Variants in KIF5B observed in about 807,000 individuals in gnomAD.
KIF5B encodes the protein kinesin-1 heavy chain.
KIF5B carries 49 observed loss-of-function variants against 132.8 expected under a neutral mutation model. The observed-to-expected ratio is 0.37, with a 90% confidence interval of 0.29 to 0.47. The LOEUF is 0.47. Among genes scored for constraint, KIF5B ranks in the 20% least tolerant of loss-of-function variants. KIF5B has a pLI of 1.00. For synonymous variants in KIF5B, 355 were observed against 369.4 expected, an observed-to-expected ratio of 0.96 and a Z score of 0.45; for missense variants, 780 against 1,144.0, an observed-to-expected ratio of 0.68 and a Z score of 4.59.
intron 4 of KIF5B, among the ~76,000 whole-genome samples, 179 bp from the exon 5 acceptor site, chr10:32,039,005 C>T (rs1294237008): frequency 1.3e-5 from 2 of 152,148 alleles, no homozygotes; most frequent in Non-Finnish European, 2.9e-5. Flanking sequence ...TTTAAGCAGT[C>T]TTCCCATTGG....
chr10:32,035,822 C>T, intron 9 of KIF5B, 68 bp downstream of exon 9: 1 of 1,350,666 alleles, frequency 7.4e-7, no homozygotes, highest in East Asian at 2.3e-5. Flanking sequence ...CACCCAGGCA[C>T]ACATATACAC....
In KIF5B at chr10:32,019,862, G is replaced by A. The variant is rs1280672687; in HGVS notation, c.2302C>T (p.Leu768Phe). The A allele has an allele frequency of 6.3e-7, 1 of 1,590,992 alleles. No homozygotes were observed. The highest frequency in any genetic ancestry group is 1.1e-5 in the South Asian group (1 of 89,308). The change falls in exon 20 of 26, where the codon CTT becomes TTT. Residue 768 changes from leucine to phenylalanine, a missense_variant. This residue lies in a region of KIF5B where 471 missense variants were observed against 569.9 expected (regional missense o/e 0.83). Transcript: ENST00000302418. ...DQEKSRKLHE[L>F]TVMQDRREQA... ...TAATTAAAAACAATTACTCACGTAA[G>A]TTCATGTAGTTTTCTGCTCTTTTCC...
chr10:32,013,992 C>T (rs1029271560), intron 25 of KIF5B, among the ~76,000 whole-genome samples: 5 of 152,020 alleles, frequency 3.3e-5, no homozygotes, highest in Non-Finnish European at 5.9e-5. Flanking sequence ...TGCAAAATGT[C>T]GAAGTATAAA....
chr10:32,032,585 C>A, intron 13 of KIF5B, 121 bp downstream of exon 13: 1 of 751,266 alleles, frequency 1.3e-6, no homozygotes, highest in South Asian at 1.5e-5. Flanking sequence ...ATGTGACATT[C>A]TTATTCCCAC....
intron 14 of KIF5B, among the ~76,000 whole-genome samples, chr10:32,029,609 A>C (rs1238671146): frequency 2.0e-5 from 3 of 152,186 alleles, no homozygotes; most frequent in Non-Finnish European, 2.9e-5. Flanking sequence ...ATAATTGTTT[A>C]AATTACCAGA....
intron 2 of KIF5B, among the ~76,000 whole-genome samples, chr10:32,044,235 T>C (rs996000451): frequency 3.9e-5 from 6 of 152,210 alleles, no homozygotes; most frequent in Non-Finnish European, 8.8e-5. Context: ...AAAGGTTGCA[T>C]AGAAGAAGAA....
chr10:32,045,791 G>T (rs2132613079), intron 2 of KIF5B, among the ~76,000 whole-genome samples: 1 of 152,158 alleles, frequency 6.6e-6, no homozygotes, highest in East Asian at 1.9e-4. Flanking sequence ...TTGATAAAAG[G>T]ATTCAAGTTT....
intron 2 of KIF5B, among the ~76,000 whole-genome samples, chr10:32,045,386 T>A: frequency 6.6e-6 from 1 of 152,172 alleles, no homozygotes; most frequent in East Asian, 1.9e-4. Context: ...AAAACAGAGG[T>A]ACTTCTATTT....
Position 32,028,487 on chromosome 10 carries a change from C to A in KIF5B, c.1666G>T (p.Ala556Ser). The A allele has an allele frequency of 6.2e-7, 1 of 1,613,230 alleles. No individual in the cohort carries two copies. Among genetic ancestry groups the A allele is most frequent in the Non-Finnish European group, 8.5e-7 (1 of 1,179,290 alleles). ...TCTGCAAGGTCTTTTAGTAAAGATGCCATCATCTCAGCTGCTCGTTTTTTC... is the reference window on the plus strand; with the variant it reads ...TCTGCAAGGTCTTTTAGTAAAGATGACATCATCTCAGCTGCTCGTTTTTTC... Reference protein sequence around the residue: ...HQKKRAAEMMASLLKDLAEIG... With the variant: ...HQKKRAAEMMSSLLKDLAEIG... Residue 556 changes from alanine to serine, a missense_variant, in exon 15 of 26, where the codon GCA (alanine) becomes TCA (serine). Ala to Ser is a moderately conservative substitution (Grantham distance 99, BLOSUM62 1). This residue lies in a region of KIF5B where 471 missense variants were observed against 569.9 expected (regional missense o/e 0.83). Transcript: ENST00000302418.
In KIF5B at chr10:32,021,290, G is replaced by T; in HGVS notation, c.2033-3C>A. 1 of 1,601,712 alleles carries T rather than the reference G, an allele frequency of 6.2e-7. No homozygotes were observed. The highest frequency in any genetic ancestry group is 8.5e-7 in the Non-Finnish European group (1 of 1,169,624). On this transcript the variant is annotated splice_region_variant and splice_polypyrimidine_tract_variant and intron_variant, in intron 17 of 25. Transcript: ENST00000302418. Reference sequence around the variant, plus strand: ...CTTTTCCATTTCATGGACTTTCTCTGTTTGAATAGAGAGAAAATAGAAGAG... The same window carrying T: ...CTTTTCCATTTCATGGACTTTCTCTTTTTGAATAGAGAGAAAATAGAAGAG...
chr10:32,049,946 T>C (rs1013095347), intron 1 of KIF5B, among the ~76,000 whole-genome samples: 9 of 152,214 alleles, frequency 5.9e-5, no homozygotes, highest in Non-Finnish European at 8.8e-5. Context: ...TTTTTAAGAC[T>C]TGTAAGACCT....
rs1435493856 is a variant in KIF5B at position 32,048,543 on chromosome 10, A to C, written c.135T>G (p.Pro45=). The change falls in exon 2 of 26, where the codon CCT becomes CCG. Residue 45 remains proline, a synonymous_variant. Coordinates refer to ENST00000302418, the MANE Select transcript of KIF5B (RefSeq NM_004521.3). The part of the protein sequence containing the change: ...GEDTVVIASK[P]YAFDRVFQSS... ...ACTGGAACACCCGATCAAATGCATA[A>C]GGCTTGGACTGAAAAACAAAAAAGT... 1 of 1,612,936 alleles carries C rather than the reference A, an allele frequency of 6.2e-7. No homozygotes were observed. Among genetic ancestry groups the C allele is most frequent in the Admixed American group, 1.7e-5 (1 of 59,804 alleles).
chr10:32,017,498 C>G, intron 23 of KIF5B, 139 bp from the exon 24 acceptor site: 1 of 667,992 alleles, frequency 1.5e-6, no homozygotes, highest in South Asian at 1.9e-5. Context: ...GGCAGAAACA[C>G]GCAAGGAATA....
At chr10:32,040,657 A>ACACACACACACC (rs370537671) in intron 2 of KIF5B, among the ~76,000 whole-genome samples, 200 bp from the exon 3 acceptor site, 13,908 of 137,502 alleles carry the variant, frequency 0.1, 714 homozygotes, top group Non-Finnish European at 0.13. Flanking sequence ...ACACACACAC[A>ACACACACACACC]CCCTCTTCCT....
At chr10:32,034,060 G>A (rs1396945440) in intron 11 of KIF5B, 22 bp from the exon 12 acceptor site, 1 of 1,434,804 alleles carries the variant, frequency 7.0e-7, no homozygotes. Context: ...AAATAAAGTG[G>A]TTAATAAAAA....
intron 23 of KIF5B, 54 bp downstream of exon 23, chr10:32,017,998 T>C: frequency 1.0e-6 from 1 of 963,048 alleles, no homozygotes; most frequent in Non-Finnish European, 1.6e-6. Context: ...TTGCCAATCC[T>C]CAATTTTTGA....
Position 32,039,437 on chromosome 10 carries a change from CA to C in KIF5B, c.289-7del. ...TCTGGATCATGAAGTTTACCCTAAA[CA>C]AAAAACAAAACTAGACTTCTTAAAT... On this transcript the variant is annotated splice_polypyrimidine_tract_variant and splice_region_variant and intron_variant, in intron 3 of 25. Coordinates refer to ENST00000302418, the MANE Select transcript of KIF5B (RefSeq NM_004521.3). 8.2e-7 allele frequency: 1 copy of C among 1,224,212 alleles called. No individual in the cohort carries two copies. The highest frequency in any genetic ancestry group is 1.2e-6 in the Non-Finnish European group (1 of 862,758). The allele number at this position is 1,224,212 out of a possible 1,614,324, so 75.8% of individuals were successfully genotyped here.
intron 4 of KIF5B, among the ~76,000 whole-genome samples, 200 bp downstream of exon 4, chr10:32,039,127 C>T (rs1198902602): frequency 6.6e-6 from 1 of 152,146 alleles, no homozygotes; most frequent in Non-Finnish European, 1.5e-5. Context: ...AGGCTAAAGA[C>T]TTAATCATTT....
chr10:32,036,058 T>G, intron 8 of KIF5B, 64 bp from the exon 9 acceptor site: 2 of 1,128,158 alleles, frequency 1.8e-6, no homozygotes, highest in Middle Eastern at 2.1e-4. Flanking sequence ...TTACATTTTC[T>G]AAAATGTTCA....
Sources: allele counts gnomAD v4.1 joint callset (sites outside exome capture counted in the v4.1 genomes callset), GRCh38; gene constraint gnomAD v4.1.1; regional missense constraint gnomAD v4.1.1; transcripts MANE v1.5; gene names NCBI Gene and HGNC (gene_info 2026-07-23, HGNC 2026-07-21).